Variants in PLAT observed in about 807,000 individuals in gnomAD.
PLAT encodes plasminogen activator, tissue type.
In PLAT, 48 loss-of-function variants were observed where a neutral mutation model predicts 74.9. The observed-to-expected ratio is 0.64, with a 90% CI of 0.51 to 0.82. PLAT has a LOEUF of 0.82. Among genes scored for constraint, PLAT ranks in the 40% least tolerant of loss-of-function variants. PLAT has a pLI of 0.00. For missense variants in PLAT, 673 were observed against 736.2 expected (o/e 0.91, Z 0.99); for synonymous variants, 307 against 294.4 (o/e 1.04, Z -0.44).
chr8:42,178,827 G>A, intron 13 of PLAT, 70 bp downstream of exon 13: 1 of 1,442,646 alleles, frequency 6.9e-7, no homozygotes, highest in Non-Finnish European at 9.5e-7. Flanking sequence ...TTTCTTTGGT[G>A]AAGAACCTGT....
intron 1 of PLAT, among the ~76,000 whole-genome samples, chr8:42,202,534 G>A (rs967838816): frequency 2.7e-5 from 4 of 146,176 alleles, no homozygotes; most frequent in Non-Finnish European, 4.5e-5. Flanking sequence ...GCACCCACAT[G>A]AGCTGCTTCT....
chr8:42,180,354 C>G lies in PLAT; in HGVS notation c.1110G>C (p.Val370=), dbSNP rs759662055. The change falls in exon 11 of 14, where the codon GTG becomes GTC. Residue 370 remains valine (V), a synonymous_variant. Transcript: ENST00000220809. ...QERFPPHHLT[V]ILGRTYRVVP... ...CCACCCGGTATGTTCTGCCCAAGATCACCGTCAGGTGGTGGGGCGGAAACC... is the reference window on the plus strand; with the variant it reads ...CCACCCGGTATGTTCTGCCCAAGATGACCGTCAGGTGGTGGGGCGGAAACC... 6.2e-7 allele frequency: 1 copy of G among 1,614,254 alleles called. No individual in the cohort carries two copies. Among genetic ancestry groups the G allele is most frequent in the Non-Finnish European group, 8.5e-7 (1 of 1,180,044 alleles).
intron 1 of PLAT, among the ~76,000 whole-genome samples, chr8:42,199,614 C>A (rs1451689955): frequency 6.6e-6 from 1 of 152,168 alleles, no homozygotes; most frequent in Non-Finnish European, 1.5e-5. Context: ...AATGCTCCAC[C>A]CTCTGCCTGG....
At chr8:42,187,717 T>A in intron 5 of PLAT, 145 bp from the exon 6 acceptor site, 2 of 840,568 alleles carry the variant, frequency 2.4e-6, no homozygotes, top group Non-Finnish European at 3.7e-6. Context: ...GGTGCCAGCC[T>A]GGATTCAGGG....
chr8:42,175,365 T>C lies in PLAT; in HGVS notation c.*628A>G, dbSNP rs549214590. 1.6e-4 allele frequency: 24 copies of C among 152,374 alleles called. No homozygotes were observed. Among genetic ancestry groups the C allele is most frequent in the Admixed American group, 1.2e-3 (18 of 15,300 alleles). The allele number at this position is 152,374 out of a possible 1,614,324, so 9.4% of individuals were successfully genotyped here. A position where few individuals can be genotyped will look rare whatever the true frequency, so the allele number is the denominator to read the frequency against. Reference sequence around the variant, plus strand: ...AGCCTAGTTGTTCAAATGATACAATTCTCTCATGCTACTCTAAAGTTTATA... The same window carrying C: ...AGCCTAGTTGTTCAAATGATACAATCCTCTCATGCTACTCTAAAGTTTATA... On this transcript the variant is annotated 3_prime_UTR_variant, in exon 14 of 14. Coordinates refer to ENST00000220809, the MANE Select transcript of PLAT (RefSeq NM_000930.5).
At chr8:42,191,011 G>A (rs1335402808) in intron 3 of PLAT, among the ~76,000 whole-genome samples, 1 of 152,208 alleles carries the variant, frequency 6.6e-6, no homozygotes, top group Non-Finnish European at 1.5e-5. Flanking sequence ...GCTGGCGGCT[G>A]TGTGACCCTG....
At chr8:42,189,894 C>T (rs1011165605) in intron 3 of PLAT, among the ~76,000 whole-genome samples, 61 of 151,184 alleles carry the variant, frequency 4.0e-4, no homozygotes, top group African/African-American at 1.4e-3. Context: ...CCACCGTGCC[C>T]AGCCTAATTT....
rs923841036 is a variant in PLAT, at chr8:42,193,282, C to A, written c.-26-71G>T. The A allele has an allele frequency of 3.0e-6, 3 of 986,698 alleles. No homozygotes were observed. The African/African-American group carries it at 4.8e-5, about 16-fold the overall frequency. 61.1% of individuals were successfully genotyped at this position (986,698 alleles called of 1,614,324 possible). On this transcript the variant is annotated intron_variant, in intron 1 of 13. Coordinates refer to ENST00000220809, the MANE Select transcript of PLAT (RefSeq NM_000930.5). Reference sequence around the variant, plus strand: ...CATGATGGCAACAGAGGAGGATAAGCCGCAATGTTGTCCTGTCTGGCTTCC... The same window carrying A: ...CATGATGGCAACAGAGGAGGATAAGACGCAATGTTGTCCTGTCTGGCTTCC...
intron 6 of PLAT, chr8:42,186,029 C>T (rs989032971): frequency 1.3e-5 from 2 of 151,990 alleles, no homozygotes; most frequent in Non-Finnish European, 1.5e-5. Flanking sequence ...AAATGTCTAT[C>T]TATCTAGTGT....
At chr8:42,196,650 G>A (rs1050907328) in intron 1 of PLAT, among the ~76,000 whole-genome samples, 1 of 152,190 alleles carries the variant, frequency 6.6e-6, no homozygotes, top group Non-Finnish European at 1.5e-5. Context: ...ACCGCAGGGC[G>A]TGGCTGGGAT....
At chr8:42,191,294 G>T in intron 3 of PLAT, 78 bp downstream of exon 3, 2 of 1,128,008 alleles carry the variant, frequency 1.8e-6, no homozygotes, top group African/African-American at 1.5e-5. Context: ...GAAGGCAGGT[G>T]GTGGGTGGGT....
At chr8:42,185,040 C>G (rs200180837) in intron 7 of PLAT, 41 bp downstream of exon 7, 1 of 1,393,276 alleles carries the variant, frequency 7.2e-7, no homozygotes, top group Non-Finnish European at 9.9e-7. Flanking sequence ...ACTTTCCTCC[C>G]CCAGGGACAT....
chr8:42,193,258 A>C, intron 1 of PLAT, 47 bp from the exon 2 acceptor site: 1 of 1,240,610 alleles, frequency 8.1e-7, no homozygotes, highest in Non-Finnish European at 1.2e-6. Context: ...CGAGAGGTCC[A>C]TGATGGCAAC....
In PLAT at chr8:42,179,870, G is replaced by A. The variant is rs1362070941; in HGVS notation, c.1363+56C>T. 6 of 1,475,652 alleles carry A rather than the reference G, an allele frequency of 4.1e-6. No homozygotes were observed. The East Asian group carries it at 1.2e-4, about 29-fold the overall frequency. The allele number at this position is 1,475,652 out of a possible 1,614,324, so 91.4% of individuals were successfully genotyped here. A position where few individuals can be genotyped will look rare whatever the true frequency, so the allele number is the denominator to read the frequency against. ...TGACCCCATTTTCCTCTGGTGGACC[G>A]CAGCCTCCCCTGCTGTCCCGCAGAC... On this transcript the variant is annotated intron_variant, in intron 12 of 13. Transcript: ENST00000220809.
rs1437665436 is a variant in PLAT, at chr8:42,175,842, A to G, written c.*151T>C. The G allele has an allele frequency of 4.5e-6, 3 of 666,408 alleles. No individual in the cohort carries two copies. The highest frequency in any genetic ancestry group is 1.8e-5 in the African/African-American group (1 of 55,150). 41.3% of individuals were successfully genotyped at this position (666,408 alleles called of 1,614,324 possible). On this transcript the variant is annotated 3_prime_UTR_variant, in exon 14 of 14. Coordinates refer to ENST00000220809, the MANE Select transcript of PLAT (RefSeq NM_000930.5). ...TCCAAAATGGGAAGTATCTGGGAAA[A>G]TGCACTCTTCCCTCTCCTGTAGGGT...
Position 42,179,993 on chromosome 8 carries a change from G to A in PLAT, c.1296C>T (p.Pro432=), listed in dbSNP as rs779067730. 4 of 1,609,398 alleles carry A rather than the reference G, an allele frequency of 2.5e-6. No homozygotes were observed. In the African/African-American group the frequency reaches 5.3e-5, roughly 22 times the overall value. The change falls in exon 12 of 14, where the codon CCC becomes CCT. Residue 432 remains proline (P), a synonymous_variant. Coordinates refer to ENST00000220809, the MANE Select transcript of PLAT (RefSeq NM_000930.5). Reference sequence around the variant, plus strand: ...AGTCCGGCAGCTGCAGGTCCGCCGGGGGAAGGCACACAGTGCGGACCACGC... The same window carrying A: ...AGTCCGGCAGCTGCAGGTCCGCCGGAGGAAGGCACACAGTGCGGACCACGC... ...ESSVVRTVCL[P]PADLQLPDWT...
chr8:42,180,087 G>C, intron 11 of PLAT, 21 bp from the exon 12 acceptor site: 2 of 1,596,254 alleles, frequency 1.3e-6, no homozygotes, highest in Non-Finnish European at 1.7e-6. Context: ...GAAAGGAGGA[G>C]TGAGCTGGCG....
chr8:42,179,925 C>G lies in PLAT; in HGVS notation c.1363+1G>C, dbSNP rs2129700483. On this transcript the variant is annotated splice_donor_variant, in intron 12 of 13. Transcript: ENST00000220809. LOFTEE classifies it high-confidence loss of function. ...TGGGGCCGAGACTTCCTTCCACTTA[C>G]AGGCCTCATGCTTGCCGTAGCCGGA... is the stretch of plus-strand genomic sequence containing the variant. 1 of 1,587,110 alleles carries G rather than the reference C, an allele frequency of 6.3e-7. No individual in the cohort carries two copies. The highest frequency in any genetic ancestry group is 8.6e-7 in the Non-Finnish European group (1 of 1,163,878).
rs1419569830 is a variant in PLAT at position 42,194,241 on chromosome 8, A to AGAGAGAGAGAGAGAGT, written c.-26-1031_-26-1030insACTCTCTCTCTCTCTC. On this transcript the variant is annotated intron_variant, in intron 1 of 13. Transcript: ENST00000220809. ...GAGAGAGAGAGAGAGAGAGAGAGAGAGTGTGTGTGTGTGTGTGTGTGTGTG... is the reference window on the plus strand; with the variant it reads ...GAGAGAGAGAGAGAGAGAGAGAGAGAGAGAGAGAGAGAGAGTGTGTGTGTGTGTGTGTGTGTGTGTG... Among the ~76,000 whole-genome samples, 255 of 52,572 alleles carry AGAGAGAGAGAGAGAGT rather than the reference A, an allele frequency of 4.9e-3. 5 individuals carry two copies. The highest frequency in any genetic ancestry group is 0.016 in the African/African-American group (243 of 14,878). 34.5% of individuals were successfully genotyped at this position (52,572 alleles called of 152,430 possible). A position where few individuals can be genotyped will look rare whatever the true frequency, so the allele number is the denominator to read the frequency against.
Sources: gnomAD v4.1 joint callset for allele counts (sites outside exome capture counted in the v4.1 genomes callset) on GRCh38, gnomAD v4.1.1 for gene constraint, MANE v1.5 for transcripts, NCBI Gene and HGNC (gene_info 2026-07-23, HGNC 2026-07-21) for gene names.